The following CDH4 variants were observed in gnomAD, a reference collection of about 807,000 sequenced individuals.
The protein encoded by CDH4 is cadherin 4.
CDH4 carries 33 observed loss-of-function variants against 86.0 expected under a neutral mutation model. The observed-to-expected ratio is 0.38, with a 90% CI of 0.29 to 0.51. The LOEUF (loss-of-function observed/expected upper bound fraction) is 0.51, where lower values mean the gene tolerates loss of function less well. CDH4 is among the 20% of genes least tolerant of loss of function. CDH4 has a pLI of 0.86. For missense variants in CDH4, 1,114 were observed against 1,307.4 expected (o/e 0.85, Z 2.28); for synonymous variants, 555 against 549.4 (o/e 1.01, Z -0.14).
At chr20:61,724,370 C>T (rs946678583) in intron 2 of CDH4, among the ~76,000 whole-genome samples, 22 of 152,182 alleles carry the variant, frequency 1.4e-4, no homozygotes, top group South Asian at 4.2e-4. Context: ...CCCCGTGTCC[C>T]GCCAAGACTC....
intron 2 of CDH4, among the ~76,000 whole-genome samples, chr20:61,328,289 C>T (rs2084547436): frequency 6.6e-6 from 1 of 152,112 alleles, no homozygotes; most frequent in African/African-American, 2.4e-5. Flanking sequence ...GATTCTCCTG[C>T]CTCAGCCTCC....
intron 4 of CDH4, among the ~76,000 whole-genome samples, chr20:61,814,096 G>A (rs1460223922): frequency 1.3e-5 from 2 of 152,194 alleles, no homozygotes; most frequent in East Asian, 1.9e-4. Flanking sequence ...AGCGTGGGGA[G>A]GGGCTCAGTA....
intron 5 of CDH4, among the ~76,000 whole-genome samples, chr20:61,849,912 T>C (rs1396270595): frequency 6.6e-6 from 1 of 152,188 alleles, no homozygotes; most frequent in Non-Finnish European, 1.5e-5. Context: ...GCACCTGACA[T>C]CCTTGGGGCC....
intron 2 of CDH4, among the ~76,000 whole-genome samples, chr20:61,683,390 T>A (rs2087539379): frequency 6.6e-6 from 1 of 152,218 alleles, no homozygotes; most frequent in African/African-American, 2.4e-5. Context: ...AAATCTACTG[T>A]ACCCTGCAGT....
rs142136420 is a variant in CDH4 at position 61,470,723 on chromosome 20, G to A, written c.169+215786G>A. ...GAGGTATGTTTCTTATATACCAAGT[G>A]TTTATGAGCATTTTTCTTAATCATG... On this transcript the variant is annotated intron_variant, in intron 2 of 15. Coordinates refer to ENST00000614565, the MANE Select transcript of CDH4 (RefSeq NM_001794.5). 9.2e-5 allele frequency among the ~76,000 whole-genome samples: 14 copies of A among 151,996 alleles called. No individual in the cohort carries two copies. The East Asian group carries it at 1.9e-3, about 21-fold the overall frequency.
chr20:61,774,244 G>A (rs960704765), intron 4 of CDH4, among the ~76,000 whole-genome samples: 3 of 152,220 alleles, frequency 2.0e-5, no homozygotes, highest in Non-Finnish European at 2.9e-5. Flanking sequence ...TTGAGGGCCA[G>A]GCAGGTTTGG....
At chr20:61,653,452 T>C (rs1398122179) in intron 2 of CDH4, among the ~76,000 whole-genome samples, 6 of 135,188 alleles carry the variant, frequency 4.4e-5, no homozygotes, top group East Asian at 4.1e-4. Flanking sequence ...AGCTGTTGGG[T>C]ACACCTCCCA....
chr20:61,369,046 C>A (rs1479964292), intron 2 of CDH4, among the ~76,000 whole-genome samples: 1 of 152,166 alleles, frequency 6.6e-6, no homozygotes. Flanking sequence ...TCGTAGCCTA[C>A]TATCGTCAAA....
chr20:61,574,704 C>A (rs970457965), intron 2 of CDH4, among the ~76,000 whole-genome samples: 21 of 152,124 alleles, frequency 1.4e-4, no homozygotes, highest in Non-Finnish European at 1.6e-4. Flanking sequence ...TGGAAGTGCT[C>A]CGGCCTCTCC....
intron 2 of CDH4, among the ~76,000 whole-genome samples, chr20:61,622,463 A>C (rs2086786456): frequency 6.6e-6 from 1 of 152,244 alleles, no homozygotes; most frequent in Non-Finnish European, 1.5e-5. Context: ...ATGTCAGGAC[A>C]TGATGGAGCT....
rs186703098 is a variant in CDH4 at position 61,296,100 on chromosome 20, A to G, written c.169+41163A>G. Among the ~76,000 whole-genome samples the G allele has an allele frequency of 1.5e-3, 224 of 152,130 alleles. 1 individual carries two copies. The highest frequency in any genetic ancestry group is 6.8e-3 in the Middle Eastern group (2 of 294). On this transcript the variant is annotated intron_variant, in intron 2 of 15. Transcript: ENST00000614565. ...GCCTGCGAGAAGGAGAGCGGCTTCT[A>G]GGCAGCAAGGTAGACCAGATGATCC...
intron 7 of CDH4, among the ~76,000 whole-genome samples, chr20:61,887,632 CA>C (rs1984608109): frequency 6.6e-6 from 1 of 152,226 alleles, no homozygotes; most frequent in South Asian, 2.1e-4. Context: ...GCACCACAGC[CA>C]GGGGTGGCTT....
At chr20:61,292,576 G>A (rs2084328703) in intron 2 of CDH4, among the ~76,000 whole-genome samples, 2 of 152,330 alleles carry the variant, frequency 1.3e-5, no homozygotes, top group Admixed American at 6.5e-5. Context: ...TGGAGCTGCC[G>A]CAGAAGGTGC....
At chr20:61,877,985 C>T (rs1159125066) in intron 7 of CDH4, among the ~76,000 whole-genome samples, 1 of 152,124 alleles carries the variant, frequency 6.6e-6, no homozygotes, top group African/African-American at 2.4e-5. Context: ...AGGGTCATCA[C>T]CAGGAACCAC....
chr20:61,442,010 A>G (rs1281651048), intron 2 of CDH4, among the ~76,000 whole-genome samples: 1 of 152,222 alleles, frequency 6.6e-6, no homozygotes, highest in Non-Finnish European at 1.5e-5. Flanking sequence ...TTGTATCAGC[A>G]TATTCTTCTG....
chr20:61,646,588 G>A (rs2087063836), intron 2 of CDH4, among the ~76,000 whole-genome samples: 1 of 152,208 alleles, frequency 6.6e-6, no homozygotes, highest in Non-Finnish European at 1.5e-5. Flanking sequence ...ATCCCTGGGG[G>A]GACGAAGGTA....
intron 2 of CDH4, among the ~76,000 whole-genome samples, chr20:61,442,255 A>ACT (rs2085318260): frequency 6.6e-6 from 1 of 152,204 alleles, no homozygotes; most frequent in Non-Finnish European, 1.5e-5. Flanking sequence ...GTTGAAAAGC[A>ACT]GTGTGTGTCC....
intron 2 of CDH4, among the ~76,000 whole-genome samples, chr20:61,561,492 G>T (rs1049164450): frequency 6.6e-6 from 1 of 152,272 alleles, no homozygotes; most frequent in African/African-American, 2.4e-5. Context: ...TGGCCTGCGT[G>T]TGTCCAATGT....
At chr20:61,931,482 C>G (rs114887336) in intron 13 of CDH4, among the ~76,000 whole-genome samples, 4,164 of 152,286 alleles carry the variant, frequency 0.027, 75 homozygotes, top group African/African-American at 0.053. Flanking sequence ...ATCGGGTTGG[C>G]AAAAAACAGC....
Sources: allele counts gnomAD v4.1 joint callset (sites outside exome capture counted in the v4.1 genomes callset), GRCh38; gene constraint gnomAD v4.1.1; transcripts MANE v1.5; gene names NCBI Gene and HGNC (gene_info 2026-07-23, HGNC 2026-07-21).